The following GPRC5B variants were observed in gnomAD, a reference collection of about 807,000 sequenced individuals.
GPRC5B encodes the protein G protein-coupled receptor family C group 5 member B.
A neutral mutation model predicts 30.1 loss-of-function variants in GPRC5B; 16 were observed. That is an observed-to-expected ratio of 0.53 (90% CI 0.36 to 0.81). The LOEUF is 0.81. GPRC5B is among the 30% of genes least tolerant of loss of function. The pLI is 0.01. For synonymous variants in GPRC5B, 241 were observed against 239.5 expected (o/e 1.01, Z -0.06); for missense variants, 428 against 544.7 (o/e 0.79, Z 2.13).
chr16:19,871,711 C>CT, intron 2 of GPRC5B, 105 bp downstream of exon 2: 1 of 996,248 alleles, frequency 1.0e-6, no homozygotes, highest in Non-Finnish European at 1.5e-6. Context: ...TCTGCTAGGA[C>CT]TGCCCCAGGT....
At chr16:19,864,901 G>C (rs2141139983) in intron 2 of GPRC5B, among the ~76,000 whole-genome samples, 1 of 148,904 alleles carries the variant, frequency 6.7e-6, no homozygotes, top group Non-Finnish European at 1.5e-5. Flanking sequence ...TGGGAGCTTT[G>C]CCCGGTCTCA....
Position 19,884,807 on chromosome 16 carries a change from C to T in GPRC5B, c.-82G>A. The T allele has an allele frequency of 1.0e-6, 1 of 984,384 alleles. No homozygotes were observed. Among genetic ancestry groups the T allele is most frequent in the Non-Finnish European group, 1.2e-6 (1 of 829,516 alleles). The allele number at this position is 984,384 out of a possible 1,614,324, so 61.0% of individuals were successfully genotyped here. A position where few individuals can be genotyped will look rare whatever the true frequency, so the allele number is the denominator to read the frequency against. On this transcript the variant is annotated 5_prime_UTR_variant, in exon 1 of 4. Transcript: ENST00000300571. Reference sequence around the variant, plus strand: ...ATCTCTGCGGCGCGGCCGCGGCCCCCGCTCCACGCACGCCCGCCTGCGGGT... The same window carrying T: ...ATCTCTGCGGCGCGGCCGCGGCCCCTGCTCCACGCACGCCCGCCTGCGGGT...
At chr16:19,869,942 G>A (rs2285739) in intron 2 of GPRC5B, among the ~76,000 whole-genome samples, 10 of 152,148 alleles carry the variant, frequency 6.6e-5, no homozygotes, top group African/African-American at 1.9e-4. Context: ...GGGTGTGGTG[G>A]TGTGTGCCTG....
chr16:19,864,189 A>G lies in GPRC5B; in HGVS notation c.1031-2216T>C, dbSNP rs143176677. 5.3e-5 allele frequency among the ~76,000 whole-genome samples: 8 copies of G among 152,350 alleles called. No homozygotes were observed. In the East Asian group the frequency reaches 1.5e-3, roughly 29 times the overall value. ...TGGCTGGATGCCAGCCTTTTCTTGC[A>G]TAGACCCTGCATGTGATGCCAGGCT... On this transcript the variant is annotated intron_variant, in intron 2 of 3. Transcript: ENST00000300571.
intron 1 of GPRC5B, among the ~76,000 whole-genome samples, chr16:19,873,845 G>A (rs979332268): frequency 6.6e-5 from 10 of 152,014 alleles, no homozygotes; most frequent in Non-Finnish European, 1.0e-4. Flanking sequence ...TGGCGCAATC[G>A]GAGGCTCACT....
intron 2 of GPRC5B, among the ~76,000 whole-genome samples, chr16:19,866,180 G>A (rs2056665520): frequency 6.6e-6 from 1 of 152,050 alleles, no homozygotes; most frequent in Admixed American, 6.6e-5. Context: ...GCCTGCCTCG[G>A]CCTCCCAAAG....
rs2056725842 is a variant in GPRC5B, at chr16:19,872,185, T to C, written c.661A>G (p.Thr221Ala). The C allele has an allele frequency of 1.2e-6, 2 of 1,613,074 alleles. No individual in the cohort carries two copies. Among genetic ancestry groups the C allele is most frequent in the Non-Finnish European group, 1.7e-6 (2 of 1,179,852 alleles). The change falls in exon 2 of 4, where the codon ACT (threonine) becomes GCT (alanine). Residue 221 changes from threonine to alanine, a missense_variant. Thr to Ala is a moderately conservative substitution (Grantham distance 58, BLOSUM62 0). Coordinates refer to ENST00000300571, the MANE Select transcript of GPRC5B (RefSeq NM_016235.3). This position sits in a 1 kb window ranked among gnomAD's most constrained non-coding sequence, Gnocchi z 5.0. ...LVVTLGLALF[T>A]LCGKFKRWKL... The stretch of plus-strand genomic sequence containing the variant: ...CACCTCTTGAACTTGCCGCACAGAG[T>C]GAAGAGGGCCAGCCCCAGGGTGACC...
At chr16:19,862,131 A>G (rs2056630581) in intron 2 of GPRC5B, 158 bp from the exon 3 acceptor site, 1 of 637,162 alleles carries the variant, frequency 1.6e-6, no homozygotes, top group Non-Finnish European at 2.7e-6. Flanking sequence ...AAAGTCACAA[A>G]GGGGCTTTGT....
At chr16:19,869,889 G>C (rs1487447318) in intron 2 of GPRC5B, among the ~76,000 whole-genome samples, 1 of 152,078 alleles carries the variant, frequency 6.6e-6, no homozygotes, top group Non-Finnish European at 1.5e-5. Flanking sequence ...CTAGGCAACA[G>C]AGTGAGACCC....
chr16:19,880,422 C>G (rs1284895206), intron 1 of GPRC5B, among the ~76,000 whole-genome samples: 1 of 18,800 alleles, frequency 5.3e-5, no homozygotes, highest in African/African-American at 1.7e-4. Context: ...GACTCTGTCT[C>G]TGTTATAAAT....
chr16:19,873,642 C>T (rs2056740228), intron 1 of GPRC5B, among the ~76,000 whole-genome samples: 1 of 152,032 alleles, frequency 6.6e-6, no homozygotes, highest in Non-Finnish European at 1.5e-5. Context: ...CTCACAATGC[C>T]CTGTGAGACA....
chr16:19,871,641 A>C (rs1220501328), intron 2 of GPRC5B, among the ~76,000 whole-genome samples, 175 bp downstream of exon 2: 1 of 152,074 alleles, frequency 6.6e-6, no homozygotes, highest in African/African-American at 2.4e-5. Context: ...AGACAAACAA[A>C]CAACCCAAAC....
upstream of GPRC5B, chr16:19,884,901 T>A: frequency 1.0e-6 from 1 of 961,686 alleles, no homozygotes; most frequent in Non-Finnish European, 1.2e-6. Flanking sequence ...CCCGCGCTGC[T>A]GCAGCGGCCG....
At position 19,858,704 on chromosome 16, in the gene GPRC5B, C is replaced by G. The variant is rs543246512; in HGVS notation, c.*1796G>C. 3 of 445,006 alleles carry G rather than the reference C, an allele frequency of 6.7e-6. No homozygotes were observed. Among genetic ancestry groups the G allele is most frequent in the Non-Finnish European group, 1.2e-5 (3 of 253,370 alleles). The allele number at this position is 445,006 out of a possible 1,614,324, so 27.6% of individuals were successfully genotyped here. A position where few individuals can be genotyped will look rare whatever the true frequency, so the allele number is the denominator to read the frequency against. The stretch of plus-strand genomic sequence containing the variant: ...CTCCCACCCCTCCCCAGGACTCTTA[C>G]GTTTTCTGTCCACGCAATGACTGGA... On this transcript the variant is annotated 3_prime_UTR_variant, in exon 4 of 4. Transcript: ENST00000300571.
chr16:19,861,948 G>C lies in GPRC5B; in HGVS notation c.1056C>G (p.Asn352Lys). The change falls in exon 3 of 4, where the codon AAC (asparagine) becomes AAG (lysine). Residue 352 changes from asparagine (N) to lysine (K), a missense_variant. This residue lies in a region of GPRC5B where 213 missense variants were observed against 229.1 expected (regional missense o/e 0.93). Transcript: ENST00000300571. ...NAALRTAGFP[N>K]GSLGKRPSGS... The stretch of plus-strand genomic sequence containing the variant: ...CACTGGGTCTTTTTCCCAAGCTGCC[G>C]TTGGGAAATCCTGCTGTTCGGAGAG... 6.2e-7 allele frequency: 1 copy of C among 1,613,402 alleles called. No homozygotes were observed. The highest frequency in any genetic ancestry group is 8.5e-7 in the Non-Finnish European group (1 of 1,179,436).
intron 3 of GPRC5B, among the ~76,000 whole-genome samples, chr16:19,861,054 C>T (rs1372127652): frequency 7.9e-6 from 1 of 126,154 alleles, no homozygotes; most frequent in Non-Finnish European, 1.5e-5. Context: ...ACCTAAATTC[C>T]CTCTAGAGAT....
chr16:19,876,078 C>T (rs761587255), intron 1 of GPRC5B, among the ~76,000 whole-genome samples: 18 of 152,248 alleles, frequency 1.2e-4, no homozygotes, highest in Non-Finnish European at 2.2e-4. Context: ...ATGCTGCAAG[C>T]AGCCTCTCTA....
chr16:19,856,798 T>C lies in GPRC5B; in HGVS notation c.*3702A>G, dbSNP rs1310776737. 1 of 478,844 alleles carries C rather than the reference T, an allele frequency of 2.1e-6. No homozygotes were observed. Among genetic ancestry groups the C allele is most frequent in the African/African-American group, 2.0e-5 (1 of 50,850 alleles). The allele number at this position is 478,844 out of a possible 1,614,324, so 29.7% of individuals were successfully genotyped here. A position where few individuals can be genotyped will look rare whatever the true frequency, so the allele number is the denominator to read the frequency against. On this transcript the variant is annotated 3_prime_UTR_variant, in exon 4 of 4. Transcript: ENST00000300571. ...TCATTCATCCAGATTACTTCTTCAGTGCCTCAGGAGTATTCTTCTACACCA... is the reference window on the plus strand; with the variant it reads ...TCATTCATCCAGATTACTTCTTCAGCGCCTCAGGAGTATTCTTCTACACCA...
Position 19,872,467 on chromosome 16 carries a change from A to G in GPRC5B, c.379T>C (p.Phe127Leu). ...EDETICSVRR[F>L]LWGVLFALCF... Reference sequence around the variant, plus strand: ...AGCGCAAAGAGGACGCCCCAGAGGAAGCGGCGGACAGAGCAGATGGTCTCG... The same window carrying G: ...AGCGCAAAGAGGACGCCCCAGAGGAGGCGGCGGACAGAGCAGATGGTCTCG... The change falls in exon 2 of 4, where the codon TTC becomes CTC. Residue 127 changes from phenylalanine to leucine, a missense_variant. By Grantham distance (22) the Phe-to-Leu change is conservative (BLOSUM62 0). Coordinates refer to ENST00000300571, the MANE Select transcript of GPRC5B (RefSeq NM_016235.3). This position sits in a 1 kb window ranked among gnomAD's most constrained non-coding sequence, Gnocchi z 5.0. 1 of 1,614,006 alleles carries G rather than the reference A, an allele frequency of 6.2e-7. No individual in the cohort carries two copies. The highest frequency in any genetic ancestry group is 1.1e-5 in the South Asian group (1 of 91,084).
Sources: gnomAD v4.1 joint callset for allele counts (sites outside exome capture counted in the v4.1 genomes callset) on GRCh38, gnomAD v4.1.1 for gene constraint, gnomAD v4.1.1 regional missense constraint, Gnocchi (gnomAD v3.1) non-coding constraint, MANE v1.5 for transcripts, NCBI Gene and HGNC (gene_info 2026-07-23, HGNC 2026-07-21) for gene names.